SNX5: variants seen among roughly 807,000 people sequenced by gnomAD.
SNX5 encodes the protein sorting nexin-5.
SNX5 carries 31 observed loss-of-function variants against 53.9 expected under a neutral mutation model. The observed-to-expected ratio is 0.58, with a 90% CI of 0.43 to 0.78. The LOEUF is 0.78. Among genes scored for constraint, SNX5 ranks in the 30% least tolerant of loss-of-function variants. The probability of loss-of-function intolerance (pLI) is 0.00; values close to 1 mark genes in which losing one functional copy is unlikely to be tolerated. For missense variants in SNX5, 471 were observed against 478.8 expected (o/e 0.98, Z 0.15); for synonymous variants, 168 against 171.1 (o/e 0.98, Z 0.14).
chr20:17,965,383 T>C (rs1568599077), intron 1 of SNX5, among the ~76,000 whole-genome samples: 1 of 152,186 alleles, frequency 6.6e-6, no homozygotes, highest in Non-Finnish European at 1.5e-5. Flanking sequence ...CCACTAGGTC[T>C]CACCGAATGA....
rs1399594442 is a variant in SNX5 at position 17,961,594 on chromosome 20, C to T, written c.52-4557G>A. On this transcript the variant is annotated intron_variant, in intron 1 of 12. Transcript: ENST00000377759. ...TGTATTTTCCTATTTGAATATCCCA[C>T]ATAAATTACTACAGATAGGATAAAA... 3.1e-6 allele frequency: 3 copies of T among 970,980 alleles called. No individual in the cohort carries two copies. In the South Asian group the frequency reaches 1.5e-4, roughly 48 times the overall value. The allele number at this position is 970,980 out of a possible 1,614,324, so 60.1% of individuals were successfully genotyped here.
chr20:17,954,836 C>T (rs909516920), intron 3 of SNX5, among the ~76,000 whole-genome samples: 2 of 152,138 alleles, frequency 1.3e-5, no homozygotes, highest in African/African-American at 2.4e-5. Context: ...TCAGCCTCCC[C>T]AGTGGCTGGG....
intron 1 of SNX5, chr20:17,967,836 A>C: frequency 2.6e-6 from 1 of 386,778 alleles, no homozygotes; most frequent in Admixed American, 4.5e-5. Flanking sequence ...AGCACCTACT[A>C]AAAATTACAC....
chr20:17,951,815 A>G (rs528162002), intron 5 of SNX5, among the ~76,000 whole-genome samples: 2 of 152,376 alleles, frequency 1.3e-5, no homozygotes, highest in African/African-American at 4.8e-5. Context: ...ATTTTGAAAG[A>G]CTGACTAGAA....
At chr20:17,954,190 T>C (rs1159516436) in intron 3 of SNX5, 73 bp from the exon 4 acceptor site, 1 of 1,585,094 alleles carries the variant, frequency 6.3e-7, no homozygotes, top group Non-Finnish European at 8.6e-7. Flanking sequence ...CTCATTCTAC[T>C]CTTGCTGGTC....
intron 11 of SNX5, chr20:17,943,810 T>G (rs2039449780): frequency 6.6e-6 from 1 of 152,114 alleles, no homozygotes; most frequent in Non-Finnish European, 1.5e-5. Context: ...CTCAAAAAAC[T>G]AAAAATAGAA....
intron 10 of SNX5, among the ~76,000 whole-genome samples, 159 bp downstream of exon 10, chr20:17,948,731 T>G (rs1238521238): frequency 6.6e-6 from 1 of 152,222 alleles, no homozygotes; most frequent in African/African-American, 2.4e-5. Flanking sequence ...CATACAGTGC[T>G]GTCAGATACA....
chr20:17,968,658 C>T lies in SNX5; in HGVS notation c.-233G>A, dbSNP rs532832909. On this transcript the variant is annotated 5_prime_UTR_variant, in exon 1 of 13. Coordinates refer to ENST00000377759, the MANE Select transcript of SNX5 (RefSeq NM_014426.4). ...AGAGCAGCCTCCCAGTCCCCGCTGCCGTCCATCTTGGAGCCGGGCAAAGAC... is the reference window on the plus strand; with the variant it reads ...AGAGCAGCCTCCCAGTCCCCGCTGCTGTCCATCTTGGAGCCGGGCAAAGAC... 2 of 605,488 alleles carry T rather than the reference C, an allele frequency of 3.3e-6. No homozygotes were observed. Among genetic ancestry groups the T allele is most frequent in the East Asian group, 3.7e-5 (1 of 26,788 alleles). The allele number at this position is 605,488 out of a possible 1,614,324, so 37.5% of individuals were successfully genotyped here.
intron 11 of SNX5, among the ~76,000 whole-genome samples, chr20:17,946,554 T>A (rs2039490152): frequency 6.6e-6 from 1 of 152,150 alleles, no homozygotes; most frequent in Non-Finnish European, 1.5e-5. Context: ...AGTCCATGAC[T>A]CTAATAAAGA....
Position 17,968,778 on chromosome 20 carries a change from G to A in SNX5, c.-353C>T, listed in dbSNP as rs776719574. ...GAAGCAACGGACACTCTCCCAGCAAGACGCGTCTAGAGAAAGACCGCGTTT... is the reference window on the plus strand; with the variant it reads ...GAAGCAACGGACACTCTCCCAGCAAAACGCGTCTAGAGAAAGACCGCGTTT... On this transcript the variant is annotated 5_prime_UTR_variant, in exon 1 of 13. Coordinates refer to ENST00000377759, the MANE Select transcript of SNX5 (RefSeq NM_014426.4). 4 of 317,200 alleles carry A rather than the reference G, an allele frequency of 1.3e-5. No homozygotes were observed. Among genetic ancestry groups the A allele is most frequent in the South Asian group, 9.5e-5 (2 of 21,094 alleles). 19.6% of individuals were successfully genotyped at this position (317,200 alleles called of 1,614,324 possible). A position where few individuals can be genotyped will look rare whatever the true frequency, so the allele number is the denominator to read the frequency against.
intron 10 of SNX5, among the ~76,000 whole-genome samples, 190 bp from the exon 11 acceptor site, chr20:17,947,835 T>G (rs1156992248): frequency 6.6e-6 from 1 of 152,214 alleles, no homozygotes; most frequent in African/African-American, 2.4e-5. Context: ...AGAGCTTTTT[T>G]TAGAATTCCT....
At chr20:17,965,209 A>AC in intron 1 of SNX5, among the ~76,000 whole-genome samples, 1 of 152,068 alleles carries the variant, frequency 6.6e-6, no homozygotes, top group East Asian at 1.9e-4. Flanking sequence ...ACTTCTTATC[A>AC]CCATGGGAGG....
At chr20:17,967,093 G>A (rs968505917) in intron 1 of SNX5, among the ~76,000 whole-genome samples, 1 of 152,108 alleles carries the variant, frequency 6.6e-6, no homozygotes, top group Non-Finnish European at 1.5e-5. Flanking sequence ...GATCAGGGTG[G>A]TGGAAGTCAT....
rs1221647112 is a variant in SNX5 at position 17,952,642 on chromosome 20, TGAG to T, written c.455_457del (p.Ser152_His153delinsTyr). On this transcript the variant is annotated inframe_deletion, in exon 5 of 13. Transcript: ENST00000377759. Reference sequence around the variant, plus strand: ...GTTGCGATCTTTACTGAGAACAGGGTGAGAAGAAAGCCGCTGAAGAAAGACTTC... The same window carrying T: ...GTTGCGATCTTTACTGAGAACAGGGTAAGAAAGCCGCTGAAGAAAGACTTC... 1.2e-6 allele frequency: 2 copies of T among 1,613,988 alleles called. No homozygotes were observed. Among genetic ancestry groups the T allele is most frequent in the Non-Finnish European group, 1.7e-6 (2 of 1,179,938 alleles).
At chr20:17,966,468 T>C (rs890942148) in intron 1 of SNX5, among the ~76,000 whole-genome samples, 2 of 152,062 alleles carry the variant, frequency 1.3e-5, no homozygotes, top group African/African-American at 4.8e-5. Flanking sequence ...CCTGAACTAT[T>C]TTCTGAGGAA....
In SNX5 at chr20:17,968,541, C is replaced by T; in HGVS notation, c.-116G>A. The T allele has an allele frequency of 1.0e-6, 1 of 994,192 alleles. No individual in the cohort carries two copies. The highest frequency in any genetic ancestry group is 1.4e-6 in the Non-Finnish European group (1 of 719,462). 61.6% of individuals were successfully genotyped at this position (994,192 alleles called of 1,614,324 possible). On this transcript the variant is annotated 5_prime_UTR_variant, in exon 1 of 13. Coordinates refer to ENST00000377759, the MANE Select transcript of SNX5 (RefSeq NM_014426.4). ...GCGGCCACGGCCCCGCCTCCGCCGG[C>T]CTCCCTGCCCGACGGCGGCAGGAGG...
At chr20:17,958,254 G>T (rs993556484) in intron 1 of SNX5, among the ~76,000 whole-genome samples, 3 of 152,270 alleles carry the variant, frequency 2.0e-5, no homozygotes, top group African/African-American at 4.8e-5. Context: ...GCCAAGTGAA[G>T]ATTACAATTA....
intron 11 of SNX5, chr20:17,943,627 T>G (rs1281444677): frequency 6.3e-6 from 1 of 159,106 alleles, no homozygotes; most frequent in African/African-American, 2.4e-5. Flanking sequence ...CACTAGCCAT[T>G]AGGGAAATGC....
intron 3 of SNX5, among the ~76,000 whole-genome samples, chr20:17,954,482 ATT>A (rs1163736230): frequency 6.6e-6 from 1 of 152,164 alleles, no homozygotes; most frequent in South Asian, 2.1e-4. Context: ...TTCCAAAGGA[ATT>A]TTTTCCTAAT....
Sources: gnomAD v4.1 joint callset for allele counts (sites outside exome capture counted in the v4.1 genomes callset) on GRCh38, gnomAD v4.1.1 for gene constraint, MANE v1.5 for transcripts, NCBI Gene and HGNC (gene_info 2026-07-23, HGNC 2026-07-21) for gene names.